Variants in KATNAL2 observed in about 807,000 individuals in gnomAD.
KATNAL2 encodes the protein katanin catalytic subunit A1 like 2.
In KATNAL2, 52 loss-of-function variants were observed where a neutral mutation model predicts 76.3. The observed-to-expected ratio is 0.68, with a 90% CI of 0.55 to 0.86. The LOEUF is 0.86. Among genes scored for constraint, KATNAL2 ranks in the 40% least tolerant of loss-of-function variants. The probability of loss-of-function intolerance (pLI) is 0.00; values close to 1 mark genes in which losing one functional copy is unlikely to be tolerated. For synonymous variants in KATNAL2, 243 were observed against 244.2 expected (o/e 1.00, Z 0.05); for missense variants, 660 against 668.9 (o/e 0.99, Z 0.15).
chr18:47,072,546 A>G (rs537559900), intron 13 of KATNAL2, among the ~76,000 whole-genome samples: 9 of 152,286 alleles, frequency 5.9e-5, no homozygotes, highest in African/African-American at 2.2e-4. Context: ...CCTGGGCTCA[A>G]GTAATCTTCC....
intron 14 of KATNAL2, among the ~76,000 whole-genome samples, chr18:47,075,670 T>C (rs968247989): frequency 3.9e-5 from 6 of 152,244 alleles, no homozygotes; most frequent in African/African-American, 1.4e-4. Flanking sequence ...ATATCGGTTC[T>C]GCTGGCTGAA....
At chr18:47,083,870 G>T (rs1251813967) in intron 15 of KATNAL2, among the ~76,000 whole-genome samples, 1 of 152,114 alleles carries the variant, frequency 6.6e-6, no homozygotes, top group Admixed American at 6.5e-5. Flanking sequence ...TTAACTCTCT[G>T]GGAGTTTGTA....
chr18:47,078,407 C>T (rs2062345174), intron 15 of KATNAL2, among the ~76,000 whole-genome samples: 1 of 152,134 alleles, frequency 6.6e-6, no homozygotes, highest in South Asian at 2.1e-4. Context: ...CTCCACCTCC[C>T]CTTGAATCTA....
intron 3 of KATNAL2, chr18:47,034,500 C>T (rs1346988973): frequency 6.2e-7 from 1 of 1,614,058 alleles, no homozygotes; most frequent in Non-Finnish European, 8.5e-7. Flanking sequence ...TTAAGCAGGC[C>T]CCGCATGATT....
At chr18:46,929,747 C>G (rs1396186620) in intron 1 of KATNAL2, among the ~76,000 whole-genome samples, 1 of 152,076 alleles carries the variant, frequency 6.6e-6, no homozygotes, top group African/African-American at 2.4e-5. Context: ...ATTGCTGGAA[C>G]ATAGAGAAGA....
intron 2 of KATNAL2, 151 bp downstream of exon 2, chr18:46,946,697 T>A: frequency 9.5e-7 from 1 of 1,054,484 alleles, no homozygotes; most frequent in South Asian, 1.6e-5. Flanking sequence ...ATGCATGGTC[T>A]AACATTGATT....
intron 3 of KATNAL2, among the ~76,000 whole-genome samples, chr18:47,037,652 G>C (rs1417707034): frequency 6.6e-6 from 1 of 152,096 alleles, no homozygotes; most frequent in Non-Finnish European, 1.5e-5. Flanking sequence ...TGCATTCTGT[G>C]TTTTCAGTAA....
At chr18:47,077,488 A>C (rs1187560176) in intron 15 of KATNAL2, 27 bp downstream of exon 15, 1 of 1,546,550 alleles carries the variant, frequency 6.5e-7, no homozygotes, top group South Asian at 1.1e-5. Flanking sequence ...GTAAATTTTG[A>C]ATACATTTTC....
At chr18:47,073,903 G>T (rs2062095159) in intron 13 of KATNAL2, among the ~76,000 whole-genome samples, 1 of 152,162 alleles carries the variant, frequency 6.6e-6, no homozygotes, top group South Asian at 2.1e-4. Flanking sequence ...TAGACTCCAG[G>T]CGTGGTTCTC....
chr18:47,085,701 T>G (rs899482173), intron 15 of KATNAL2, among the ~76,000 whole-genome samples: 2 of 152,076 alleles, frequency 1.3e-5, no homozygotes, highest in African/African-American at 4.8e-5. Context: ...CCTCCGAAAT[T>G]TGGGGGAGAT....
intron 10 of KATNAL2, among the ~76,000 whole-genome samples, chr18:47,065,052 G>A (rs942489626): frequency 6.6e-6 from 1 of 152,164 alleles, no homozygotes; most frequent in Non-Finnish European, 1.5e-5. Context: ...TGGCTGGTGG[G>A]CCTGCATGTA....
chr18:47,060,373 G>T (rs1227445729), intron 8 of KATNAL2, among the ~76,000 whole-genome samples: 1 of 152,018 alleles, frequency 6.6e-6, no homozygotes, highest in East Asian at 1.9e-4. Flanking sequence ...GATGGCTCCT[G>T]GTCTAAATGT....
intron 1 of KATNAL2, among the ~76,000 whole-genome samples, chr18:46,925,419 C>G (rs2146510910): frequency 6.6e-6 from 1 of 152,246 alleles, no homozygotes; most frequent in East Asian, 1.9e-4. Context: ...GCCTTGCATC[C>G]CAGGGATGAA....
At chr18:47,075,028 A>G (rs2062147404) in intron 13 of KATNAL2, among the ~76,000 whole-genome samples, 1 of 152,194 alleles carries the variant, frequency 6.6e-6, no homozygotes, top group African/African-American at 2.4e-5. Flanking sequence ...ATTTATGATT[A>G]GTAACCTTGG....
At chr18:46,927,716 G>A (rs1253284556) in intron 1 of KATNAL2, among the ~76,000 whole-genome samples, 1 of 152,096 alleles carries the variant, frequency 6.6e-6, no homozygotes. Context: ...TCATTTTCAG[G>A]TACACCAATC....
intron 3 of KATNAL2, among the ~76,000 whole-genome samples, chr18:46,959,255 T>G (rs1008667688): frequency 6.6e-6 from 1 of 152,202 alleles, no homozygotes; most frequent in Non-Finnish European, 1.5e-5. Flanking sequence ...TTTAAATAAC[T>G]CTTACGTTTT....
intron 1 of KATNAL2, among the ~76,000 whole-genome samples, chr18:46,942,990 G>C (rs1341170392): frequency 6.6e-6 from 1 of 152,134 alleles, no homozygotes; most frequent in African/African-American, 2.4e-5. Context: ...TTTGAGGTTT[G>C]TTTTAAACCT....
At chr18:46,936,740 T>C (rs2059104026) in intron 1 of KATNAL2, among the ~76,000 whole-genome samples, 1 of 152,130 alleles carries the variant, frequency 6.6e-6, no homozygotes, top group Non-Finnish European at 1.5e-5. Flanking sequence ...TCACTTGAGA[T>C]GAGGAGTTCG....
chr18:46,948,259 C>A (rs1403903975), intron 3 of KATNAL2, among the ~76,000 whole-genome samples: 1 of 148,648 alleles, frequency 6.7e-6, no homozygotes, highest in African/African-American at 2.5e-5. Flanking sequence ...TGCAGTTATG[C>A]GCCACCATGC....
Sources: gnomAD v4.1 joint callset for allele counts (sites outside exome capture counted in the v4.1 genomes callset) on GRCh38, gnomAD v4.1.1 for gene constraint, MANE v1.5 for transcripts, NCBI Gene and HGNC (gene_info 2026-07-23, HGNC 2026-07-21) for gene names.